The following AGK variants were observed in gnomAD, a reference collection of about 807,000 sequenced individuals.
AGK encodes acylglycerol kinase, mitochondrial.
Under a neutral mutation model 66.4 loss-of-function variants are expected in AGK, and 52 were observed. That is an observed-to-expected ratio of 0.78 (90% confidence interval 0.63 to 0.99). AGK has a LOEUF of 0.99. AGK is among the 50% of genes least tolerant of loss of function. The probability of loss-of-function intolerance (pLI) is 0.00; values close to 1 mark genes in which losing one functional copy is unlikely to be tolerated. For synonymous variants in AGK, 182 were observed against 181.1 expected, an observed-to-expected ratio of 1.00 and a Z score of -0.04; for missense variants, 451 against 506.6, an observed-to-expected ratio of 0.89 and a Z score of 1.05.
rs143775499 is a variant in AGK at position 141,573,359 on chromosome 7, TA to T, written c.101+17802del. On this transcript the variant is annotated intron_variant, in intron 2 of 15. Transcript: ENST00000649286. ...TATCCAGAAAGCAGATTTCTTCTTT[TA>T]AAAAAAAAATCTATATATTTATTTT... Among the ~76,000 whole-genome samples, 1,012 of 151,054 alleles carry T rather than the reference TA, an allele frequency of 6.7e-3. 12 individuals carry two copies. Among genetic ancestry groups the T allele is most frequent in the African/African-American group, 0.024 (980 of 41,248 alleles).
At chr7:141,582,696 A>G (rs1030799030) in intron 2 of AGK, among the ~76,000 whole-genome samples, 10 of 151,976 alleles carry the variant, frequency 6.6e-5, no homozygotes, top group African/African-American at 2.2e-4. Context: ...ATTAACCTTG[A>G]TTATGCCTTT....
Position 141,641,407 on chromosome 7 carries a change from T to C in AGK, c.877+9T>C, listed in dbSNP as rs1797286367. On this transcript the variant is annotated intron_variant, in intron 12 of 15. Coordinates refer to ENST00000649286, the MANE Select transcript of AGK (RefSeq NM_018238.4). ...GGCACAACCACAGGATGGTGAGCAA[T>C]GTGGCGACTAAAGATTGGAGGGCCC... 2 of 1,605,866 alleles carry C rather than the reference T, an allele frequency of 1.2e-6. No homozygotes were observed. Among genetic ancestry groups the C allele is most frequent in the Middle Eastern group, 1.7e-4 (1 of 6,012 alleles).
intron 5 of AGK, among the ~76,000 whole-genome samples, chr7:141,607,259 A>G (rs1488452424): frequency 2.0e-5 from 3 of 152,142 alleles, no homozygotes; most frequent in Non-Finnish European, 4.4e-5. Flanking sequence ...ACCATTTTGT[A>G]TTATTACCAC....
In AGK at chr7:141,633,396, A is replaced by G. The variant is rs1440970201; in HGVS notation, c.589-505A>G. On this transcript the variant is annotated intron_variant, in intron 9 of 15. Transcript: ENST00000649286. ...GCAGTATTTGGCCATAAAGCATTGG[A>G]CCAAATCCAAATCACTTTTTATTTC... 2.6e-5 allele frequency among the ~76,000 whole-genome samples: 4 copies of G among 152,202 alleles called. No individual in the cohort carries two copies. The East Asian group carries it at 7.7e-4, about 29-fold the overall frequency.
intron 8 of AGK, among the ~76,000 whole-genome samples, chr7:141,618,577 C>T (rs1446340790): frequency 6.6e-6 from 1 of 152,040 alleles, no homozygotes; most frequent in Non-Finnish European, 1.5e-5. Flanking sequence ...ATAATTAAAA[C>T]AAATATAAAT....
At chr7:141,570,606 T>A (rs1218108793) in intron 2 of AGK, among the ~76,000 whole-genome samples, 1 of 152,166 alleles carries the variant, frequency 6.6e-6, no homozygotes, top group Non-Finnish European at 1.5e-5. Flanking sequence ...TTCACTAATT[T>A]TGTTTCATCT....
At chr7:141,629,230 G>A (rs1400375971) in intron 9 of AGK, among the ~76,000 whole-genome samples, 1 of 152,016 alleles carries the variant, frequency 6.6e-6, no homozygotes, top group Non-Finnish European at 1.5e-5. Flanking sequence ...TTTCTTTTCA[G>A]TGTTCCTTAA....
intron 13 of AGK, 130 bp from the exon 14 acceptor site, chr7:141,649,133 T>G (rs1797488606): frequency 2.2e-6 from 1 of 448,788 alleles, no homozygotes. Flanking sequence ...GGTTTGGAAT[T>G]AAATCACTAC....
chr7:141,584,265 G>A (rs778915592), intron 2 of AGK, among the ~76,000 whole-genome samples: 13 of 152,122 alleles, frequency 8.5e-5, no homozygotes, highest in African/African-American at 2.9e-4. Context: ...CAGTGGGGGA[G>A]CTTTTGAGCC....
At position 141,584,950 on chromosome 7, in the gene AGK, T is replaced by C. The variant is rs191693238; in HGVS notation, c.102-8196T>C. On this transcript the variant is annotated intron_variant, in intron 2 of 15. Coordinates refer to ENST00000649286, the MANE Select transcript of AGK (RefSeq NM_018238.4). Reference sequence around the variant, plus strand: ...GACATTAGGAAACTTCTTTGTTGCATTGGGCTTGGGAGAGGTAAGAAGATA... The same window carrying C: ...GACATTAGGAAACTTCTTTGTTGCACTGGGCTTGGGAGAGGTAAGAAGATA... Among the ~76,000 whole-genome samples, 5 of 152,292 alleles carry C rather than the reference T, an allele frequency of 3.3e-5. 1 individual carries two copies. Among genetic ancestry groups the C allele is most frequent in the East Asian group, 1.9e-4 (1 of 5,190 alleles).
intron 2 of AGK, among the ~76,000 whole-genome samples, chr7:141,581,892 T>G (rs1358263970): frequency 6.6e-6 from 1 of 151,818 alleles, no homozygotes; most frequent in Non-Finnish European, 1.5e-5. Flanking sequence ...TTTTAAGGGG[T>G]TTTGAAGCTT....
chr7:141,622,534 C>T (rs1029774273), intron 9 of AGK, among the ~76,000 whole-genome samples: 4 of 152,120 alleles, frequency 2.6e-5, no homozygotes, highest in Non-Finnish European at 5.9e-5. Flanking sequence ...GATCTGCTAT[C>T]GGTGATCTTT....
Position 141,651,467 on chromosome 7 carries a change from T to C in AGK, c.1047-58T>C, listed in dbSNP as rs115247184. 7.2e-4 allele frequency: 1,042 copies of C among 1,440,116 alleles called. 2 individuals are homozygous for C. In the Middle Eastern group the frequency reaches 0.013, roughly 19 times the overall value. The allele number at this position is 1,440,116 out of a possible 1,614,324, so 89.2% of individuals were successfully genotyped here. ...AGGGGGAAAGAAGTTGCTACATTGT[T>C]GCAACCTAGTGCAGTTGCCATCACT... On this transcript the variant is annotated intron_variant, in intron 14 of 15. Transcript: ENST00000649286.
chr7:141,568,774 C>A (rs192874680), intron 2 of AGK, among the ~76,000 whole-genome samples: 44 of 152,074 alleles, frequency 2.9e-4, no homozygotes, highest in African/African-American at 1.0e-3. Context: ...TGGGGTTTCA[C>A]CATGTTGGCC....
chr7:141,645,693 T>G (rs1394790331), intron 13 of AGK, among the ~76,000 whole-genome samples: 1 of 152,192 alleles, frequency 6.6e-6, no homozygotes, highest in Non-Finnish European at 1.5e-5. Flanking sequence ...CTTTATCAGA[T>G]TAAGGCAGTT....
chr7:141,570,312 G>A (rs558401008), intron 2 of AGK, among the ~76,000 whole-genome samples: 6 of 152,132 alleles, frequency 3.9e-5, no homozygotes, highest in Admixed American at 2.0e-4. Flanking sequence ...ACTTCAACCC[G>A]GGAGGCGGAG....
intron 1 of AGK, among the ~76,000 whole-genome samples, chr7:141,551,795 C>T (rs1436506837): frequency 1.3e-5 from 2 of 152,114 alleles, no homozygotes; most frequent in Non-Finnish European, 2.9e-5. Context: ...CCAATAGTAT[C>T]AGATCCATTG....
intron 2 of AGK, among the ~76,000 whole-genome samples, chr7:141,557,527 G>T (rs1196344914): frequency 1.3e-5 from 2 of 152,318 alleles, no homozygotes; most frequent in Middle Eastern, 3.4e-3. Flanking sequence ...CTACGACTAG[G>T]TGAAGATTTG....
intron 13 of AGK, among the ~76,000 whole-genome samples, chr7:141,644,867 A>G (rs1321769910): frequency 6.6e-6 from 1 of 152,126 alleles, no homozygotes; most frequent in Non-Finnish European, 1.5e-5. Flanking sequence ...TTGATCTTCA[A>G]TAAACCTCTG....
Sources: allele counts gnomAD v4.1 joint callset (sites outside exome capture counted in the v4.1 genomes callset), GRCh38; gene constraint gnomAD v4.1.1; transcripts MANE v1.5; gene names NCBI Gene and HGNC (gene_info 2026-07-23, HGNC 2026-07-21).